Variants in PKNOX2 observed in about 807,000 individuals in gnomAD.
PKNOX2 encodes the protein homeobox protein PKNOX2.
In PKNOX2, 14 loss-of-function variants were observed where a neutral mutation model predicts 53.1. The observed-to-expected ratio is 0.26, with a 90% confidence interval of 0.17 to 0.41. The LOEUF (loss-of-function observed/expected upper bound fraction) is 0.41. Among genes scored for constraint, PKNOX2 ranks in the 10% least tolerant of loss-of-function variants. The pLI is 1.00. For missense variants in PKNOX2, 496 were observed against 602.8 expected (o/e 0.82, Z 1.85); for synonymous variants, 257 against 242.8 (o/e 1.06, Z -0.54).
At chr11:125,387,705 A>G (rs1265388999) in intron 6 of PKNOX2, among the ~76,000 whole-genome samples, 4 of 152,096 alleles carry the variant, frequency 2.6e-5, no homozygotes, top group Non-Finnish European at 5.9e-5. Context: ...CTTCCATCTC[A>G]GGCACTGGGC....
At chr11:125,173,585 G>T (rs1955484044) in intron 1 of PKNOX2, among the ~76,000 whole-genome samples, 1 of 152,252 alleles carries the variant, frequency 6.6e-6, no homozygotes, top group African/African-American at 2.4e-5. Context: ...AAGAGCTACT[G>T]TTGTGAAAAC....
At chr11:125,250,065 C>CAA (rs35679690) in intron 2 of PKNOX2, among the ~76,000 whole-genome samples, 17 of 46,986 alleles carry the variant, frequency 3.6e-4, no homozygotes, top group Non-Finnish European at 4.0e-4. Context: ...AACTCTGTCT[C>CAA]AAAAAAAAAA....
At chr11:125,346,017 C>A (rs1232486824) in intron 3 of PKNOX2, among the ~76,000 whole-genome samples, 2 of 152,112 alleles carry the variant, frequency 1.3e-5, no homozygotes, top group African/African-American at 4.8e-5. Flanking sequence ...AGACGGATTG[C>A]GCCAGGGTTG....
intron 1 of PKNOX2, among the ~76,000 whole-genome samples, chr11:125,212,250 T>C (rs1038693576): frequency 2.0e-5 from 3 of 152,162 alleles, no homozygotes; most frequent in Admixed American, 2.0e-4. Context: ...ACCAGTCTTA[T>C]GTGTGCTGAA....
At chr11:125,202,797 G>C (rs1374277579) in intron 1 of PKNOX2, among the ~76,000 whole-genome samples, 1 of 152,138 alleles carries the variant, frequency 6.6e-6, no homozygotes, top group Non-Finnish European at 1.5e-5. Flanking sequence ...TTAAAGCTTT[G>C]TTTGATTATA....
At chr11:125,287,996 G>A (rs1383017533) in intron 2 of PKNOX2, 1 of 152,296 alleles carries the variant, frequency 6.6e-6, no homozygotes, top group Non-Finnish European at 1.5e-5. Context: ...GTACCTGCCA[G>A]GGATGTGAAA....
intron 1 of PKNOX2, among the ~76,000 whole-genome samples, chr11:125,184,925 A>C (rs1956359897): frequency 6.6e-6 from 1 of 152,198 alleles, no homozygotes. Context: ...TGGGTAGGCA[A>C]CGTCCAGGGC....
chr11:125,248,814 G>T lies in PKNOX2; in HGVS notation c.-130+13699G>T, dbSNP rs1452830860. On this transcript the variant is annotated intron_variant, in intron 2 of 12. Coordinates refer to ENST00000298282, the MANE Select transcript of PKNOX2 (RefSeq NM_001382323.2). ...GGGTCTCACTATGTTGCCCAGGGTG[G>T]ACTTGAATTGCCCTCAAGTGATCCT... Among the ~76,000 whole-genome samples, 4 of 145,498 alleles carry T rather than the reference G, an allele frequency of 2.7e-5. No individual in the cohort carries two copies. The East Asian group carries it at 6.0e-4, about 22-fold the overall frequency.
intron 3 of PKNOX2, among the ~76,000 whole-genome samples, chr11:125,349,407 T>C (rs1038442698): frequency 1.3e-5 from 2 of 152,142 alleles, no homozygotes; most frequent in Non-Finnish European, 2.9e-5. Flanking sequence ...AATTGGATCT[T>C]AGGGACCAGC....
Position 125,309,301 on chromosome 11 carries a change from C to A in PKNOX2, c.-129-22518C>A, listed in dbSNP as rs116273177. Among the ~76,000 whole-genome samples, 1,173 of 151,552 alleles carry A rather than the reference C, an allele frequency of 7.7e-3. 13 individuals carry two copies. Among genetic ancestry groups the A allele is most frequent in the African/African-American group, 0.027 (1,119 of 41,190 alleles). ...GGTACCAACTGAATTTTCATTCCAA[C>A]ATCCCTTTATTTTTTTCCCACATGA... is the stretch of plus-strand genomic sequence containing the variant. On this transcript the variant is annotated intron_variant, in intron 2 of 12. Transcript: ENST00000298282.
chr11:125,320,906 C>G (rs1273810990), intron 2 of PKNOX2, among the ~76,000 whole-genome samples: 1 of 152,166 alleles, frequency 6.6e-6, no homozygotes, highest in Non-Finnish European at 1.5e-5. Flanking sequence ...CCGTTGCAAC[C>G]TGTAGTTGCT....
At chr11:125,347,306 C>G (rs1951031667) in intron 3 of PKNOX2, among the ~76,000 whole-genome samples, 2 of 152,210 alleles carry the variant, frequency 1.3e-5, no homozygotes, top group Non-Finnish European at 1.5e-5. Context: ...CCCAATTAGA[C>G]TTTGTGTCTC....
rs1290210001 is a variant in PKNOX2 at position 125,370,500 on chromosome 11, C to G, written c.227+2515C>G. 6.6e-6 allele frequency among the ~76,000 whole-genome samples: 1 copy of G among 152,236 alleles called. No individual in the cohort carries two copies. Among genetic ancestry groups the G allele is most frequent in the Non-Finnish European group, 1.5e-5 (1 of 68,038 alleles). ...CTTCTCCCACCGGGCTAACCACCCGCAACCCTTGGTGTTTGCCCAAAGTAT... is the reference window on the plus strand; with the variant it reads ...CTTCTCCCACCGGGCTAACCACCCGGAACCCTTGGTGTTTGCCCAAAGTAT... On this transcript the variant is annotated intron_variant, in intron 5 of 12. Coordinates refer to ENST00000298282, the MANE Select transcript of PKNOX2 (RefSeq NM_001382323.2). The surrounding 1 kb of genome is among the most constrained non-coding windows in gnomAD (Gnocchi z 4.1).
At chr11:125,325,823 C>T (rs1161895997) in intron 2 of PKNOX2, among the ~76,000 whole-genome samples, 1 of 152,188 alleles carries the variant, frequency 6.6e-6, no homozygotes, top group Non-Finnish European at 1.5e-5. Flanking sequence ...ACCTTTCCAC[C>T]CATCGTATTC....
chr11:125,305,170 A>T (rs1661259223), intron 2 of PKNOX2, among the ~76,000 whole-genome samples: 1 of 152,176 alleles, frequency 6.6e-6, no homozygotes, highest in African/African-American at 2.4e-5. Flanking sequence ...GGGCAGTAGA[A>T]TCAGAGGCTC....
At chr11:125,340,106 A>G (rs1950607146) in intron 3 of PKNOX2, among the ~76,000 whole-genome samples, 1 of 152,200 alleles carries the variant, frequency 6.6e-6, no homozygotes, top group African/African-American at 2.4e-5. Context: ...ATATTTAACA[A>G]AATGTGTACA....
intron 5 of PKNOX2, 93 bp from the exon 6 acceptor site, chr11:125,385,458 G>C: frequency 7.2e-7 from 1 of 1,390,638 alleles, no homozygotes; most frequent in Non-Finnish European, 9.7e-7. Context: ...AGAAGTGAGG[G>C]GAACGTGGGC....
intron 1 of PKNOX2, among the ~76,000 whole-genome samples, chr11:125,201,502 G>A (rs1380001226): frequency 6.6e-6 from 1 of 152,200 alleles, no homozygotes; most frequent in African/African-American, 2.4e-5. Context: ...GTCAAGGCTG[G>A]CTGGAGAAGG....
intron 3 of PKNOX2, among the ~76,000 whole-genome samples, chr11:125,350,595 G>A (rs1439380387): frequency 6.6e-6 from 1 of 152,210 alleles, no homozygotes; most frequent in Non-Finnish European, 1.5e-5. Context: ...AGGCACATCT[G>A]TGGACACGCC....
Sources: gnomAD v4.1 joint callset for allele counts (sites outside exome capture counted in the v4.1 genomes callset) on GRCh38, gnomAD v4.1.1 for gene constraint, Gnocchi (gnomAD v3.1) non-coding constraint, MANE v1.5 for transcripts, NCBI Gene and HGNC (gene_info 2026-07-23, HGNC 2026-07-21) for gene names.